PDSS1: variants seen among roughly 807,000 people sequenced by gnomAD.
PDSS1 encodes the protein all trans-polyprenyl-diphosphate synthase PDSS1.
PDSS1 carries 43 observed loss-of-function variants against 57.5 expected under a neutral mutation model. The ratio of observed to expected loss-of-function variants is 0.75; its 90% CI spans 0.59 to 0.96. The LOEUF (loss-of-function observed/expected upper bound fraction) is 0.96. PDSS1 is among the 50% of genes least tolerant of loss of function. PDSS1 has a pLI of 0.00. For synonymous variants in PDSS1, 175 were observed against 191.3 expected (o/e 0.91, Z 0.70); for missense variants, 438 against 527.8 (o/e 0.83, Z 1.67).
chr10:26,735,169 C>G, intron 8 of PDSS1, 71 bp from the exon 9 acceptor site: 1 of 1,056,452 alleles, frequency 9.5e-7, no homozygotes, highest in Non-Finnish European at 1.5e-6. Flanking sequence ...TAAGGAATTC[C>G]TTCAGCCAGG....
chr10:26,746,614 T>A lies in PDSS1; in HGVS notation c.*141T>A, dbSNP rs1031284445. The stretch of plus-strand genomic sequence containing the variant: ...AAACTTATTGATGGGCAATTTATTT[T>A]TTTTTATTGCAAAAGTTTTTTCAGA... On this transcript the variant is annotated 3_prime_UTR_variant, in exon 12 of 12. Coordinates refer to ENST00000376215, the MANE Select transcript of PDSS1 (RefSeq NM_014317.5). 45 of 897,208 alleles carry A rather than the reference T, an allele frequency of 5.0e-5. No individual in the cohort carries two copies. In the Admixed American group the frequency reaches 6.0e-4, roughly 12 times the overall value. The allele number at this position is 897,208 out of a possible 1,614,324, so 55.6% of individuals were successfully genotyped here. A position where few individuals can be genotyped will look rare whatever the true frequency, so the allele number is the denominator to read the frequency against.
chr10:26,728,641 C>A (rs1018127262), intron 8 of PDSS1, among the ~76,000 whole-genome samples: 9 of 152,058 alleles, frequency 5.9e-5, no homozygotes, highest in Admixed American at 1.3e-4. Flanking sequence ...CTATATCACT[C>A]TTCTACAAGA....
intron 10 of PDSS1, among the ~76,000 whole-genome samples, chr10:26,737,840 G>A (rs1185057292): frequency 6.6e-6 from 1 of 151,594 alleles, no homozygotes; most frequent in Admixed American, 6.6e-5. Flanking sequence ...GGAAATCCCA[G>A]TCATGAGGCA....
chr10:26,743,448 G>T (rs1361123981), intron 11 of PDSS1, among the ~76,000 whole-genome samples: 1 of 152,100 alleles, frequency 6.6e-6, no homozygotes, highest in African/African-American at 2.4e-5. Flanking sequence ...ACCCCTAAAA[G>T]GTTATTTTTC....
intron 11 of PDSS1, among the ~76,000 whole-genome samples, chr10:26,744,525 G>A (rs1196879907): frequency 1.3e-5 from 2 of 152,062 alleles, no homozygotes; most frequent in Non-Finnish European, 2.9e-5. Flanking sequence ...CGAGTAGCTG[G>A]GACTACAGGC....
chr10:26,730,208 A>G (rs1230550139), intron 8 of PDSS1, among the ~76,000 whole-genome samples: 1 of 150,274 alleles, frequency 6.7e-6, no homozygotes, highest in African/African-American at 2.4e-5. Context: ...CACCGCGCCC[A>G]GCCTAGTTGG....
At position 26,712,442 on chromosome 10, in the gene PDSS1, C is replaced by G. The variant is rs1054009643; in HGVS notation, c.467+2674C>G. On this transcript the variant is annotated intron_variant, in intron 5 of 11. Transcript: ENST00000376215. ...TCTCCAGGGAATGTCAGAGCTGCAG[C>G]CTTATTCTCCCTATAAGTGATTGGA... Among the ~76,000 whole-genome samples, 5 of 99,592 alleles carry G rather than the reference C, an allele frequency of 5.0e-5. 2 individuals carry two copies. Among genetic ancestry groups the G allele is most frequent in the Non-Finnish European group, 1.2e-4 (5 of 42,824 alleles). The allele number at this position is 99,592 out of a possible 152,430, so 65.3% of individuals were successfully genotyped here. A position where few individuals can be genotyped will look rare whatever the true frequency, so the allele number is the denominator to read the frequency against.
At chr10:26,728,637 C>T (rs1006692790) in intron 8 of PDSS1, among the ~76,000 whole-genome samples, 1 of 152,030 alleles carries the variant, frequency 6.6e-6, no homozygotes, top group African/African-American at 2.4e-5. Flanking sequence ...TCTTCTATAT[C>T]ACTCTTCTAC....
Position 26,726,069 on chromosome 10 carries a change from C to G in PDSS1, c.831+1946C>G, listed in dbSNP as rs1238102370. Among the ~76,000 whole-genome samples, 13 of 152,272 alleles carry G rather than the reference C, an allele frequency of 8.5e-5. No homozygotes were observed. In the East Asian group the frequency reaches 2.5e-3, roughly 29 times the overall value. ...ATTGGAGCTAGCACAGAAATTCACTCAGTGATGGAAGCTTACAAAGGGTCC... is the reference window on the plus strand; with the variant it reads ...ATTGGAGCTAGCACAGAAATTCACTGAGTGATGGAAGCTTACAAAGGGTCC... On this transcript the variant is annotated intron_variant, in intron 8 of 11. Coordinates refer to ENST00000376215, the MANE Select transcript of PDSS1 (RefSeq NM_014317.5).
intron 11 of PDSS1, among the ~76,000 whole-genome samples, chr10:26,745,389 C>T (rs1343813729): frequency 6.6e-6 from 1 of 151,970 alleles, no homozygotes; most frequent in Admixed American, 6.5e-5. Context: ...AAGGAAAGGA[C>T]AAGAGCTCAT....
At chr10:26,707,663 C>T (rs72797950) in intron 4 of PDSS1, among the ~76,000 whole-genome samples, 17,209 of 152,166 alleles carry the variant, frequency 0.11, 1,504 homozygotes, top group East Asian at 0.45. Context: ...CCTGGGGTTC[C>T]GTGGGCCCCC....
chr10:26,723,869 A>T lies in PDSS1; in HGVS notation c.673A>T (p.Thr225Ser), dbSNP rs556322043. 3 of 1,613,480 alleles carry T rather than the reference A, an allele frequency of 1.9e-6. No individual in the cohort carries two copies. Among genetic ancestry groups the T allele is most frequent in the Admixed American group, 1.7e-5 (1 of 60,016 alleles). ...TATAGCTCTGGCACGAATTGGAAAT[A>T]CAACTGTTATATCTATTTTAACCCA... ...ASIALARIGN[T>S]TVISILTQVI... The change falls in exon 7 of 12, where the codon ACA (threonine) becomes TCA (serine). Residue 225 changes from threonine to serine, a missense_variant. Thr to Ser is a moderately conservative substitution (Grantham distance 58). Around this residue, in one of 2 missense-constraint regions of PDSS1, gnomAD observed 284 missense variants for 390.7 expected, o/e 0.73. Coordinates refer to ENST00000376215, the MANE Select transcript of PDSS1 (RefSeq NM_014317.5).
At position 26,697,830 on chromosome 10, in the gene PDSS1, T is replaced by G; in HGVS notation, c.119T>G (p.Val40Gly). Reference sequence around the variant, plus strand: ...TTGGGGCCGAGCGCCGCTGCCGAAGTCCGCGCGCAGGTGAGGTTGGGAGGC... The same window carrying G: ...TTGGGGCCGAGCGCCGCTGCCGAAGGCCGCGCGCAGGTGAGGTTGGGAGGC... ...GPLGPSAAAE[V>G]RAQVHRRKGL... The change falls in exon 1 of 12, where the codon GTC (valine) becomes GGC (glycine). Residue 40 changes from valine (V) to glycine (G), a missense_variant. Physicochemically the swap from Val to Gly is moderately radical, Grantham distance 109. This residue lies in a region of PDSS1 where 154 missense variants were observed against 137.0 expected (regional missense o/e 1.12). Coordinates refer to ENST00000376215, the MANE Select transcript of PDSS1 (RefSeq NM_014317.5). 7.5e-7 allele frequency: 1 copy of G among 1,338,720 alleles called. No individual in the cohort carries two copies. Among genetic ancestry groups the G allele is most frequent in the Non-Finnish European group, 9.6e-7 (1 of 1,038,720 alleles). 82.9% of individuals were successfully genotyped at this position (1,338,720 alleles called of 1,614,324 possible).
At chr10:26,722,109 C>T (rs1414622381) in intron 6 of PDSS1, among the ~76,000 whole-genome samples, 1 of 152,168 alleles carries the variant, frequency 6.6e-6, no homozygotes, top group Non-Finnish European at 1.5e-5. Flanking sequence ...TAGGATCTCC[C>T]CGGCCAGGTG....
chr10:26,698,677 C>A (rs1054137065), intron 1 of PDSS1, among the ~76,000 whole-genome samples: 2 of 152,176 alleles, frequency 1.3e-5, no homozygotes, highest in African/African-American at 4.8e-5. Context: ...CTCACTGTTA[C>A]TTAAGTTTAT....
intron 10 of PDSS1, among the ~76,000 whole-genome samples, chr10:26,738,332 C>A (rs1836472011): frequency 6.6e-6 from 1 of 152,196 alleles, no homozygotes; most frequent in African/African-American, 2.4e-5. Context: ...GATGCCCAAA[C>A]CTCGCCAAAA....
At chr10:26,709,438 G>C (rs1835347923) in intron 4 of PDSS1, among the ~76,000 whole-genome samples, 200 bp from the exon 5 acceptor site, 2 of 151,978 alleles carry the variant, frequency 1.3e-5, no homozygotes, top group Non-Finnish European at 2.9e-5. Context: ...GCGGGTGCTT[G>C]TAATCCCAGC....
rs527878691 is a variant in PDSS1, at chr10:26,742,435, A to T, written c.1027-62A>T. The T allele has an allele frequency of 5.0e-5, 60 of 1,202,178 alleles. No individual in the cohort carries two copies. In the African/African-American group the frequency reaches 5.4e-4, roughly 11 times the overall value. 74.5% of individuals were successfully genotyped at this position (1,202,178 alleles called of 1,614,324 possible). A position where few individuals can be genotyped will look rare whatever the true frequency, so the allele number is the denominator to read the frequency against. ...CCTATTGTTACAAACTAGTGTTAGA[A>T]CACTTGTTTCTCCCAAGAGAAATAA... On this transcript the variant is annotated intron_variant, in intron 10 of 11. Coordinates refer to ENST00000376215, the MANE Select transcript of PDSS1 (RefSeq NM_014317.5).
Position 26,740,331 on chromosome 10 carries a change from G to A in PDSS1, c.1027-2166G>A, listed in dbSNP as rs368598075. 4.6e-5 allele frequency among the ~76,000 whole-genome samples: 7 copies of A among 152,042 alleles called. No homozygotes were observed. In the East Asian group the frequency reaches 7.7e-4, roughly 17 times the overall value. ...AACAAAACTAAAACCTACTTGATTT[G>A]GCTTTTTTACCGTAGAAGTTGATTT... On this transcript the variant is annotated intron_variant, in intron 10 of 11. Coordinates refer to ENST00000376215, the MANE Select transcript of PDSS1 (RefSeq NM_014317.5).
Sources: gnomAD v4.1 joint callset for allele counts (sites outside exome capture counted in the v4.1 genomes callset) on GRCh38, gnomAD v4.1.1 for gene constraint, gnomAD v4.1.1 regional missense constraint, MANE v1.5 for transcripts, NCBI Gene and HGNC (gene_info 2026-07-23, HGNC 2026-07-21) for gene names.